Variants in CSMD1 observed in about 807,000 individuals in gnomAD.
CSMD1 encodes the protein CUB and Sushi multiple domains 1.
A neutral mutation model predicts 417.5 loss-of-function variants in CSMD1; 213 were observed. That is an observed-to-expected ratio of 0.51 (90% CI 0.46 to 0.57). CSMD1 has a LOEUF of 0.57. CSMD1 is among the 20% of genes least tolerant of loss of function. CSMD1 has a pLI of 0.00. For synonymous variants in CSMD1, 2,862 were observed against 1,736.8 expected, an observed-to-expected ratio of 1.65 and a Z score of -16.11; for missense variants, 6,923 against 4,529.7, an observed-to-expected ratio of 1.53 and a Z score of -15.17.
At chr8:4,292,687 A>T (rs1797440236) in intron 3 of CSMD1, among the ~76,000 whole-genome samples, 1 of 152,158 alleles carries the variant, frequency 6.6e-6, no homozygotes, top group South Asian at 2.1e-4. Context: ...CATTAGAAAA[A>T]ATGATTCAGT....
At chr8:4,646,047 G>A (rs940610401) in intron 1 of CSMD1, among the ~76,000 whole-genome samples, 20 of 152,094 alleles carry the variant, frequency 1.3e-4, no homozygotes, top group East Asian at 3.9e-4. Flanking sequence ...GGAAATAAAC[G>A]ATTTTTTTGC....
intron 3 of CSMD1, among the ~76,000 whole-genome samples, chr8:4,335,587 T>C (rs182838168): frequency 2.0e-5 from 3 of 152,272 alleles, no homozygotes; most frequent in Non-Finnish European, 2.9e-5. Flanking sequence ...AGCTAACTTT[T>C]CCTTAAAACT....
intron 3 of CSMD1, among the ~76,000 whole-genome samples, chr8:4,032,711 T>G (rs1420473119): frequency 6.6e-6 from 1 of 152,200 alleles, no homozygotes; most frequent in Non-Finnish European, 1.5e-5. Context: ...TGTCCATTTA[T>G]AGTGTCTGAT....
At chr8:3,174,808 T>G (rs1391133198) in intron 37 of CSMD1, among the ~76,000 whole-genome samples, 2 of 151,980 alleles carry the variant, frequency 1.3e-5, no homozygotes, top group African/African-American at 4.8e-5. Context: ...TCCATTAAAT[T>G]TTTTTTTATT....
intron 1 of CSMD1, among the ~76,000 whole-genome samples, chr8:4,686,534 A>C (rs978385402): frequency 2.6e-5 from 4 of 152,226 alleles, no homozygotes; most frequent in Non-Finnish European, 5.9e-5. Flanking sequence ...GAACCTGAGC[A>C]AACAGCCCCT....
chr8:3,343,219 A>G lies in CSMD1; in HGVS notation c.3631+75T>C, dbSNP rs927798107. The G allele has an allele frequency of 3.0e-6, 4 of 1,320,854 alleles. No individual in the cohort carries two copies. The African/African-American group carries it at 4.4e-5, about 15-fold the overall frequency. 81.8% of individuals were successfully genotyped at this position (1,320,854 alleles called of 1,614,324 possible). On this transcript the variant is annotated intron_variant, in intron 23 of 69. Transcript: ENST00000635120. Reference sequence around the variant, plus strand: ...AGCCAGAAAAAAATCAATATTTAAAACTTAATATAAGCCAAGTATCAGATA... The same window carrying G: ...AGCCAGAAAAAAATCAATATTTAAAGCTTAATATAAGCCAAGTATCAGATA...
intron 26 of CSMD1, among the ~76,000 whole-genome samples, chr8:3,239,258 G>T (rs533593246): frequency 6.6e-6 from 1 of 152,140 alleles, no homozygotes; most frequent in African/African-American, 2.4e-5. Context: ...CTGAAAAAAT[G>T]CTTGGCTGAT....
intron 2 of CSMD1, among the ~76,000 whole-genome samples, chr8:4,470,713 G>A (rs1003017318): frequency 1.3e-5 from 2 of 152,170 alleles, no homozygotes; most frequent in Non-Finnish European, 1.5e-5. Flanking sequence ...AAGACAAAAA[G>A]AAGAAAGGTA....
rs1198398980 is a variant in CSMD1 at position 3,616,177 on chromosome 8, C to A, written c.1097+533G>T. ...TTTGGCTCTGTCCCCACGCAAATCT[C>A]ATCTGGAACTGTAGCATCCATAATC... On this transcript the variant is annotated intron_variant, in intron 8 of 69. Transcript: ENST00000635120. 2.6e-5 allele frequency among the ~76,000 whole-genome samples: 4 copies of A among 152,144 alleles called. No individual in the cohort carries two copies. The East Asian group carries it at 7.7e-4, about 29-fold the overall frequency.
At position 4,540,406 on chromosome 8, in the gene CSMD1, A is replaced by G. The variant is rs78789413; in HGVS notation, c.302+96936T>C. On this transcript the variant is annotated intron_variant, in intron 2 of 69. Transcript: ENST00000635120. ...ATTAAAAAATAACAACAACCGCGAAAATCTCAAAACCTCAGGCCGGGTGCA... is the reference window on the plus strand; with the variant it reads ...ATTAAAAAATAACAACAACCGCGAAGATCTCAAAACCTCAGGCCGGGTGCA... Among the ~76,000 whole-genome samples, 345 of 152,222 alleles carry G rather than the reference A, an allele frequency of 2.3e-3. 4 individuals carry two copies. Among genetic ancestry groups the G allele is most frequent in the African/African-American group, 7.8e-3 (323 of 41,556 alleles).
intron 12 of CSMD1, among the ~76,000 whole-genome samples, chr8:3,411,554 C>A (rs1193692427): frequency 6.6e-6 from 1 of 151,478 alleles, no homozygotes; most frequent in Non-Finnish European, 1.5e-5. Context: ...TTTGGCTTTG[C>A]ATTCCTGGGT....
intron 2 of CSMD1, among the ~76,000 whole-genome samples, chr8:4,457,880 G>T (rs935574948): frequency 1.3e-5 from 2 of 152,136 alleles, no homozygotes; most frequent in African/African-American, 4.8e-5. Flanking sequence ...ACAGCTTGAT[G>T]CAGCACCGTA....
intron 8 of CSMD1, among the ~76,000 whole-genome samples, chr8:3,614,514 T>A (rs1039022518): frequency 1.3e-5 from 2 of 152,198 alleles, no homozygotes; most frequent in Non-Finnish European, 2.9e-5. Context: ...TAAGAAGACA[T>A]TGGCCTGAAT....
chr8:3,834,692 G>C (rs903463245), intron 5 of CSMD1, among the ~76,000 whole-genome samples: 17 of 151,998 alleles, frequency 1.1e-4, no homozygotes, highest in Admixed American at 5.9e-4. Flanking sequence ...CGTGTAGTTG[G>C]TGTCAAAAGT....
chr8:4,460,360 G>A (rs114790994), intron 2 of CSMD1, among the ~76,000 whole-genome samples: 3 of 152,020 alleles, frequency 2.0e-5, no homozygotes, highest in Admixed American at 1.3e-4. Context: ...ATTTAGAGTA[G>A]TAAATAACTA....
At chr8:3,102,863 A>C (rs922365128) in intron 46 of CSMD1, among the ~76,000 whole-genome samples, 1 of 152,210 alleles carries the variant, frequency 6.6e-6, no homozygotes, top group Admixed American at 6.5e-5. Flanking sequence ...TTGAAGCATG[A>C]CAAGATAACA....
intron 1 of CSMD1, among the ~76,000 whole-genome samples, chr8:4,941,960 G>C (rs1404754929): frequency 6.6e-6 from 1 of 152,122 alleles, no homozygotes; most frequent in Non-Finnish European, 1.5e-5. Flanking sequence ...GCTTCTTCCA[G>C]TGAGTATGTG....
intron 6 of CSMD1, among the ~76,000 whole-genome samples, chr8:3,739,044 G>C (rs1366563505): frequency 6.6e-6 from 1 of 152,068 alleles, no homozygotes; most frequent in Non-Finnish European, 1.5e-5. Context: ...CTGTTTTCTA[G>C]TTATGTTCTT....
At chr8:4,330,509 G>C (rs959139405) in intron 3 of CSMD1, among the ~76,000 whole-genome samples, 2 of 151,272 alleles carry the variant, frequency 1.3e-5, no homozygotes, top group African/African-American at 4.9e-5. Context: ...AGGATCACTT[G>C]AACCGAGGAG....
Sources: allele counts gnomAD v4.1 joint callset (sites outside exome capture counted in the v4.1 genomes callset), GRCh38; gene constraint gnomAD v4.1.1; transcripts MANE v1.5; gene names NCBI Gene and HGNC (gene_info 2026-07-23, HGNC 2026-07-21).